The following PDE1C variants were observed in gnomAD, a reference collection of about 807,000 sequenced individuals.
The protein encoded by PDE1C is phosphodiesterase 1C.
PDE1C carries 62 observed loss-of-function variants against 93.1 expected under a neutral mutation model. The ratio of observed to expected loss-of-function variants is 0.67; its 90% CI spans 0.54 to 0.82. The LOEUF (loss-of-function observed/expected upper bound fraction) is 0.82, where lower values mean the gene tolerates loss of function less well. PDE1C is among the 40% of genes least tolerant of loss of function. The pLI is 0.00. For missense variants in PDE1C, 742 were observed against 884.6 expected (o/e 0.84, Z 2.04); for synonymous variants, 325 against 310.1 (o/e 1.05, Z -0.50).
chr7:32,125,916 G>A (rs190300286), intron 3 of PDE1C, among the ~76,000 whole-genome samples: 1 of 152,220 alleles, frequency 6.6e-6, no homozygotes, highest in African/African-American at 2.4e-5. Context: ...AGTTTCTGGA[G>A]TGCCCCTGCT....
At chr7:32,112,729 G>T (rs1211742543) in intron 3 of PDE1C, among the ~76,000 whole-genome samples, 1 of 150,072 alleles carries the variant, frequency 6.7e-6, no homozygotes. Flanking sequence ...CAAAATGTTG[G>T]TATTACAGGC....
intron 1 of PDE1C, among the ~76,000 whole-genome samples, chr7:32,412,325 G>A (rs1785186642): frequency 6.6e-6 from 1 of 151,748 alleles, no homozygotes; most frequent in Non-Finnish European, 1.5e-5. Context: ...GCATGGTGGT[G>A]CATGCCTGTA....
intron 2 of PDE1C, among the ~76,000 whole-genome samples, chr7:31,957,179 A>G (rs145390252): frequency 1.7e-3 from 256 of 150,306 alleles, no homozygotes; most frequent in African/African-American, 5.8e-3. Flanking sequence ...CATACTAGAT[A>G]GCCAAGTCAA....
At chr7:32,116,261 A>G (rs371568089) in intron 3 of PDE1C, among the ~76,000 whole-genome samples, 1 of 152,196 alleles carries the variant, frequency 6.6e-6, no homozygotes. Flanking sequence ...TCATGCTTAT[A>G]TGCTATTCAA....
chr7:32,397,401 G>A (rs148862262), intron 1 of PDE1C, among the ~76,000 whole-genome samples: 4 of 152,066 alleles, frequency 2.6e-5, no homozygotes, highest in Non-Finnish European at 5.9e-5. Flanking sequence ...TCAGATTGAC[G>A]GAAATTTAGA....
At position 32,070,322 on chromosome 7, in the gene PDE1C, G is replaced by A. The variant is rs1169149888; in HGVS notation, c.72C>T (p.Ile24=). 6.2e-7 allele frequency: 1 copy of A among 1,614,066 alleles called. No individual in the cohort carries two copies. Among genetic ancestry groups the A allele is most frequent in the Non-Finnish European group, 8.5e-7 (1 of 1,180,036 alleles). The part of the protein sequence containing the change: ...NSLKYLQPEQ[I]EKIWLRLRGL... The stretch of plus-strand genomic sequence containing the variant: ...CGCGGAGCCGAAGCCAGATTTTCTC[G>A]ATCTGTTCCGGTTGCAGGTATTTCA... Residue 24 remains isoleucine (I), a synonymous_variant, in exon 1 of 18, where the codon ATC becomes ATT. Coordinates refer to ENST00000396191, the MANE Select transcript of PDE1C (RefSeq NM_001191057.4).
At chr7:31,635,852 G>A in the PDE1C span, among the ~76,000 whole-genome samples, 1 of 152,084 alleles carries the variant, frequency 6.6e-6, no homozygotes, top group Middle Eastern at 3.2e-3. Flanking sequence ...GTGATTGGCC[G>A]ATAGGTGCAG....
intron 2 of PDE1C, among the ~76,000 whole-genome samples, chr7:31,954,674 T>C (rs1417050246): frequency 6.6e-6 from 1 of 152,182 alleles, no homozygotes; most frequent in African/African-American, 2.4e-5. Context: ...ACAGCTTGGT[T>C]TATCACACAA....
At chr7:31,691,739 T>G in the PDE1C span, among the ~76,000 whole-genome samples, 1 of 137,180 alleles carries the variant, frequency 7.3e-6, no homozygotes, top group African/African-American at 2.7e-5. Flanking sequence ...ACCACCATCA[T>G]AATGTGGATG....
At chr7:31,961,116 G>A (rs973913828) in intron 2 of PDE1C, among the ~76,000 whole-genome samples, 3 of 152,104 alleles carry the variant, frequency 2.0e-5, no homozygotes, top group Admixed American at 6.5e-5. Context: ...TAAGTTTAAA[G>A]ATGAATGAGC....
chr7:32,169,163 C>T (rs1802488174), intron 3 of PDE1C, among the ~76,000 whole-genome samples: 2 of 152,164 alleles, frequency 1.3e-5, no homozygotes, highest in Admixed American at 6.5e-5. Context: ...ACACCACACT[C>T]ATACCCAGAT....
At chr7:31,800,383 A>G (rs563957466) in intron 16 of PDE1C, among the ~76,000 whole-genome samples, 59 of 151,670 alleles carry the variant, frequency 3.9e-4, no homozygotes, top group Admixed American at 8.6e-4. Context: ...TACATTTTAC[A>G]TTTAGCTTTA....
intron 2 of PDE1C, among the ~76,000 whole-genome samples, chr7:31,948,164 A>G (rs1358620695): frequency 6.6e-6 from 1 of 151,440 alleles, no homozygotes; most frequent in African/African-American, 2.4e-5. Flanking sequence ...ACAACTTGAC[A>G]TCTTTTCAAA....
chr7:32,334,682 T>G (rs1034826891), intron 1 of PDE1C, among the ~76,000 whole-genome samples: 2 of 125,368 alleles, frequency 1.6e-5, no homozygotes, highest in African/African-American at 6.1e-5. Flanking sequence ...ATTTGATGAT[T>G]TAGGGAAAGG....
At chr7:31,706,144 A>G in the PDE1C span, among the ~76,000 whole-genome samples, 1 of 151,500 alleles carries the variant, frequency 6.6e-6, no homozygotes, top group Non-Finnish European at 1.5e-5. Context: ...AGTCAGGATT[A>G]CAGGTGCCCG....
intron 3 of PDE1C, among the ~76,000 whole-genome samples, chr7:32,095,493 C>T (rs1316848227): frequency 6.6e-6 from 1 of 152,186 alleles, no homozygotes. Context: ...GCTACTGTCT[C>T]AGTTGCAGCT....
upstream of PDE1C, among the ~76,000 whole-genome samples, chr7:32,076,162 G>A (rs1796341990): frequency 6.6e-6 from 1 of 152,134 alleles, no homozygotes; most frequent in African/African-American, 2.4e-5. Flanking sequence ...CCATACCTAT[G>A]GATAGAGTGA....
chr7:31,926,191 T>G (rs1193115257), intron 2 of PDE1C, among the ~76,000 whole-genome samples: 1 of 152,172 alleles, frequency 6.6e-6, no homozygotes, highest in African/African-American at 2.4e-5. Context: ...ATTCATGTAT[T>G]TTTCAACTGT....
the PDE1C span, chr7:31,697,131 T>A: frequency 6.2e-7 from 1 of 1,613,180 alleles, no homozygotes; most frequent in Non-Finnish European, 8.5e-7. Flanking sequence ...AAAAAGCTGG[T>A]GCAGGGCATT....
Sources: gnomAD v4.1 joint callset for allele counts (sites outside exome capture counted in the v4.1 genomes callset) on GRCh38, gnomAD v4.1.1 for gene constraint, MANE v1.5 for transcripts, NCBI Gene and HGNC (gene_info 2026-07-23, HGNC 2026-07-21) for gene names.